IRF2: variants seen among roughly 807,000 people sequenced by gnomAD.
IRF2 encodes the protein interferon regulatory factor 2.
IRF2 carries 15 observed loss-of-function variants against 40.6 expected under a neutral mutation model. The ratio of observed to expected loss-of-function variants is 0.37; its 90% confidence interval spans 0.25 to 0.57. IRF2 has a LOEUF of 0.57. IRF2 is among the 20% of genes least tolerant of loss of function. The pLI is 0.77. For synonymous variants in IRF2, 151 were observed against 165.5 expected, an observed-to-expected ratio of 0.91 and a Z score of 0.67; for missense variants, 317 against 455.7, an observed-to-expected ratio of 0.70 and a Z score of 2.77.
intron 1 of IRF2, among the ~76,000 whole-genome samples, chr4:184,444,455 A>G (rs1423113245): frequency 1.3e-5 from 2 of 152,186 alleles, no homozygotes; most frequent in African/African-American, 4.8e-5. Context: ...TAACTTCCGC[A>G]TGGTTTGCGG....
At chr4:184,421,734 C>T (rs368143964) in intron 2 of IRF2, among the ~76,000 whole-genome samples, 12 of 151,778 alleles carry the variant, frequency 7.9e-5, no homozygotes, top group African/African-American at 2.9e-4. Flanking sequence ...CATACACATA[C>T]ACACACACAC....
At chr4:184,397,039 T>C (rs1274831376) in intron 7 of IRF2, among the ~76,000 whole-genome samples, 2 of 152,230 alleles carry the variant, frequency 1.3e-5, no homozygotes, top group African/African-American at 4.8e-5. Flanking sequence ...GTAGTTCTTG[T>C]GACTGCACTC....
chr4:184,450,489 T>C (rs1392805472), intron 1 of IRF2, among the ~76,000 whole-genome samples: 1 of 152,176 alleles, frequency 6.6e-6, no homozygotes. Context: ...AATGAAAAAA[T>C]GTAATGCAAA....
intron 7 of IRF2, among the ~76,000 whole-genome samples, chr4:184,396,941 A>G (rs1736487791): frequency 6.6e-6 from 1 of 152,108 alleles, no homozygotes; most frequent in Non-Finnish European, 1.5e-5. Flanking sequence ...TATTTCTATT[A>G]ACAACAACAA....
chr4:184,420,552 C>T (rs1179030606), intron 2 of IRF2, among the ~76,000 whole-genome samples: 1 of 152,210 alleles, frequency 6.6e-6, no homozygotes. Flanking sequence ...CTACATCTCT[C>T]TCAGTGTTGA....
In IRF2 at chr4:184,418,674, G is replaced by A. The variant is rs200277901; in HGVS notation, c.222C>T (p.Pro74=). ...ATCTGAAATTCGCCTTCCATGTTTTGGGATCAGGTTTATCTACTCCTGGTT... is the reference window on the plus strand; with the variant it reads ...ATCTGAAATTCGCCTTCCATGTTTTAGGATCAGGTTTATCTACTCCTGGTT... ...KHQPGVDKPD[P]KTWKANFRCA... The change falls in exon 4 of 9, where the codon CCC becomes CCT. Residue 74 remains proline (P), a synonymous_variant. Transcript: ENST00000393593. 108 of 1,613,954 alleles carry A rather than the reference G, an allele frequency of 6.7e-5. No individual in the cohort carries two copies. Among genetic ancestry groups the A allele is most frequent in the Non-Finnish European group, 8.7e-5 (103 of 1,179,944 alleles).
intron 1 of IRF2, among the ~76,000 whole-genome samples, chr4:184,444,130 T>C (rs1275840708): frequency 1.3e-5 from 2 of 152,184 alleles, no homozygotes; most frequent in Non-Finnish European, 1.5e-5. Flanking sequence ...CCCATATCCA[T>C]GACAAGTGGG....
chr4:184,395,878 C>T (rs1736436732), intron 7 of IRF2, among the ~76,000 whole-genome samples: 2 of 152,206 alleles, frequency 1.3e-5, no homozygotes, highest in African/African-American at 4.8e-5. Flanking sequence ...TCATTTCTCT[C>T]TGCATGGATC....
intron 1 of IRF2, among the ~76,000 whole-genome samples, chr4:184,436,192 A>C (rs549777780): frequency 3.9e-4 from 59 of 152,104 alleles, no homozygotes; most frequent in Non-Finnish European, 7.2e-4. Context: ...GGCCAGGATG[A>C]TCTCAATCTC....
In IRF2 at chr4:184,450,368, T is replaced by C. The variant is rs560506233; in HGVS notation, c.-6-21298A>G. ...CAATCTTTGGAATATATTATTGTTA[T>C]CACGCTACACGAAAAATCAGCATCA... On this transcript the variant is annotated intron_variant, in intron 1 of 8. Transcript: ENST00000393593. Among the ~76,000 whole-genome samples the C allele has an allele frequency of 3.3e-5, 5 of 152,356 alleles. No homozygotes were observed. In the South Asian group the frequency reaches 6.2e-4, roughly 19 times the overall value.
At chr4:184,419,389 G>C in intron 3 of IRF2, 80 bp downstream of exon 3, 1 of 962,040 alleles carries the variant, frequency 1.0e-6, no homozygotes. Flanking sequence ...GAGGTCATAA[G>C]CCAGGCTATT....
intron 1 of IRF2, among the ~76,000 whole-genome samples, chr4:184,453,040 A>G (rs557650505): frequency 2.6e-5 from 4 of 152,324 alleles, no homozygotes; most frequent in Admixed American, 2.6e-4. Flanking sequence ...TTAAAATTAA[A>G]AAAAGAAAAA....
At chr4:184,412,020 A>AG (rs1456934719) in intron 5 of IRF2, among the ~76,000 whole-genome samples, 7 of 151,174 alleles carry the variant, frequency 4.6e-5, no homozygotes, top group Admixed American at 1.3e-4. Flanking sequence ...AAAAAAAAAA[A>AG]AAAAAAAAAG....
At position 184,408,932 on chromosome 4, in the gene IRF2, C is replaced by T. The variant is rs116705506; in HGVS notation, c.412-657G>A. Among the ~76,000 whole-genome samples the T allele has an allele frequency of 5.9e-5, 9 of 152,186 alleles. No homozygotes were observed. Among genetic ancestry groups the T allele is most frequent in the African/African-American group, 1.9e-4 (8 of 41,440 alleles). On this transcript the variant is annotated intron_variant, in intron 5 of 8. Transcript: ENST00000393593. This position sits in a 1 kb window ranked among gnomAD's most constrained non-coding sequence, Gnocchi z 4.9. ...TCTCATCCAGCCCAAGAATTCTGCACGTGCACACTAATGAAATAATGAGAA... is the reference window on the plus strand; with the variant it reads ...TCTCATCCAGCCCAAGAATTCTGCATGTGCACACTAATGAAATAATGAGAA...
At chr4:184,432,243 T>C (rs1737911899) in intron 1 of IRF2, among the ~76,000 whole-genome samples, 1 of 152,224 alleles carries the variant, frequency 6.6e-6, no homozygotes, top group African/African-American at 2.4e-5. Context: ...TGGTGGTCAC[T>C]CGGGGACATG....
Position 184,448,960 on chromosome 4 carries a change from C to T in IRF2, c.-6-19890G>A, listed in dbSNP as rs992957966. 6.6e-6 allele frequency: 1 copy of T among 152,288 alleles called. No individual in the cohort carries two copies. Among genetic ancestry groups the T allele is most frequent in the African/African-American group, 2.4e-5 (1 of 41,452 alleles). 9.4% of individuals were successfully genotyped at this position (152,288 alleles called of 1,614,324 possible). On this transcript the variant is annotated intron_variant, in intron 1 of 8. Coordinates refer to ENST00000393593, the MANE Select transcript of IRF2 (RefSeq NM_002199.4). The surrounding 1 kb of genome is among the most constrained non-coding windows in gnomAD (Gnocchi z 4.3). ...GAAGCCTGAACAACTGTCAGTTCCA[C>T]TTGCTCGTACTTGGCTGAACACTGC...
At chr4:184,460,898 TTACAAA>T (rs1248116155) in intron 1 of IRF2, among the ~76,000 whole-genome samples, 1 of 152,132 alleles carries the variant, frequency 6.6e-6, no homozygotes, top group Non-Finnish European at 1.5e-5. Context: ...ACAAAGGAAC[TTACAAA>T]TACACTCTAT....
At chr4:184,430,542 C>T (rs1579078508) in intron 1 of IRF2, among the ~76,000 whole-genome samples, 1 of 152,360 alleles carries the variant, frequency 6.6e-6, no homozygotes, top group East Asian at 1.9e-4. Flanking sequence ...ACTCACTGAT[C>T]TTACACTGCT....
intron 1 of IRF2, chr4:184,471,897 TTCTC>T (rs969202552): frequency 6.6e-5 from 10 of 152,350 alleles, no homozygotes; most frequent in African/African-American, 2.4e-4. Flanking sequence ...AACTGGAACT[TTCTC>T]TAACAAAAAA....
Sources: allele counts gnomAD v4.1 joint callset (sites outside exome capture counted in the v4.1 genomes callset), GRCh38; gene constraint gnomAD v4.1.1; non-coding constraint Gnocchi (gnomAD v3.1); transcripts MANE v1.5; gene names NCBI Gene and HGNC (gene_info 2026-07-23, HGNC 2026-07-21).